The following DPP10 variants were observed in gnomAD, a reference collection of about 807,000 sequenced individuals.
DPP10 encodes the protein dipeptidyl peptidase like 10.
Under a neutral mutation model 120.9 loss-of-function variants are expected in DPP10, and 33 were observed. The ratio of observed to expected loss-of-function variants is 0.27; its 90% CI spans 0.21 to 0.37. DPP10 has a LOEUF of 0.37. DPP10 is among the 10% of genes least tolerant of loss of function. The probability of loss-of-function intolerance (pLI) is 1.00; values close to 1 mark genes in which losing one functional copy is unlikely to be tolerated. For missense variants in DPP10, 816 were observed against 942.8 expected (o/e 0.87, Z 1.76); for synonymous variants, 337 against 326.1 (o/e 1.03, Z -0.36).
chr2:114,497,166 CGTGTATACATGTGTACGTGTATACAT>C (rs1558813525), intron 1 of DPP10, among the ~76,000 whole-genome samples: 1 of 147,868 alleles, frequency 6.8e-6, no homozygotes, highest in African/African-American at 2.5e-5. Flanking sequence ...TAGGTGTACA[CGTGTATACATGTGTACGTGTATACAT>C]GTGTATGCAT....
chr2:114,460,403 G>T (rs1030276750), intron 1 of DPP10, among the ~76,000 whole-genome samples: 24 of 152,174 alleles, frequency 1.6e-4, no homozygotes, highest in African/African-American at 5.5e-4. Flanking sequence ...GATATAGCTA[G>T]GGTTTAATTA....
intron 1 of DPP10, among the ~76,000 whole-genome samples, chr2:115,225,288 A>G (rs2057375860): frequency 6.6e-6 from 1 of 152,146 alleles, no homozygotes; most frequent in East Asian, 1.9e-4. Context: ...GGTTGCAGAG[A>G]CGCAGAACAG....
rs540445073 is a variant in DPP10 at position 115,108,263 on chromosome 2, A to G, written c.61-200976A>G. Among the ~76,000 whole-genome samples, 6 of 152,336 alleles carry G rather than the reference A, an allele frequency of 3.9e-5. No homozygotes were observed. In the East Asian group the frequency reaches 1.2e-3, roughly 29 times the overall value. On this transcript the variant is annotated intron_variant, in intron 1 of 25. Coordinates refer to ENST00000410059, the MANE Select transcript of DPP10 (RefSeq NM_020868.6). ...TAAAAAATCACTGCACAGATAGACC[A>G]AAGTTTGCAAACTCAGATGCCAGCA... is the stretch of plus-strand genomic sequence containing the variant.
chr2:115,304,796 A>G (rs568443386), intron 1 of DPP10, among the ~76,000 whole-genome samples: 64 of 151,962 alleles, frequency 4.2e-4, no homozygotes, highest in Non-Finnish European at 7.8e-4. Context: ...TTACCCTTGC[A>G]TTTTTCCTAC....
chr2:115,627,163 C>T (rs949370453), intron 5 of DPP10, among the ~76,000 whole-genome samples: 1 of 152,036 alleles, frequency 6.6e-6, no homozygotes, highest in African/African-American at 2.4e-5. Context: ...AAAAGAAAGA[C>T]AAAAATGGCA....
chr2:115,470,406 C>CA lies in DPP10; in HGVS notation c.272-29103dup, dbSNP rs147670309. 3.4e-3 allele frequency among the ~76,000 whole-genome samples: 525 copies of CA among 152,204 alleles called. 1 individual carries two copies. Among genetic ancestry groups the CA allele is most frequent in the African/African-American group, 0.012 (488 of 41,528 alleles). On this transcript the variant is annotated intron_variant, in intron 3 of 25. Coordinates refer to ENST00000410059, the MANE Select transcript of DPP10 (RefSeq NM_020868.6). ...TCAGTTTCATCCTGGACCAGGGTTT[C>CA]ATGGCACAGAAAAAAACCTGGCCAT...
intron 1 of DPP10, among the ~76,000 whole-genome samples, chr2:114,736,346 G>C (rs2105965567): frequency 6.6e-6 from 1 of 152,142 alleles, no homozygotes; most frequent in South Asian, 2.1e-4. Context: ...TCATATCTTT[G>C]TGTTTCCACT....
At chr2:115,138,076 T>C (rs1032522702) in intron 1 of DPP10, among the ~76,000 whole-genome samples, 1 of 152,326 alleles carries the variant, frequency 6.6e-6, no homozygotes, top group East Asian at 1.9e-4. Context: ...AAAGAGTTTT[T>C]AAATTCTAAT....
intron 5 of DPP10, among the ~76,000 whole-genome samples, chr2:115,622,510 C>CTTTTTTTTTT (rs70941082): frequency 8.5e-6 from 1 of 117,446 alleles, no homozygotes; most frequent in African/African-American, 3.4e-5. Flanking sequence ...ATTTTATTGT[C>CTTTTTTTTTT]TTTTTTTTTT....
intron 1 of DPP10, among the ~76,000 whole-genome samples, chr2:115,296,805 AC>A (rs1300254400): frequency 6.6e-6 from 1 of 151,938 alleles, no homozygotes; most frequent in Admixed American, 6.6e-5. Flanking sequence ...GTCCTTCCTT[AC>A]CTACTTTCCT....
At chr2:114,669,503 G>A (rs1380046829) in intron 1 of DPP10, among the ~76,000 whole-genome samples, 4 of 152,032 alleles carry the variant, frequency 2.6e-5, no homozygotes, top group Non-Finnish European at 4.4e-5. Context: ...TAGAAATTTT[G>A]TCTCTTTCTT....
rs149330667 is a variant in DPP10, at chr2:114,714,219, A to C, written c.60+271381A>C. 4.8e-3 allele frequency among the ~76,000 whole-genome samples: 731 copies of C among 152,130 alleles called. 7 individuals carry two copies. Among genetic ancestry groups the C allele is most frequent in the African/African-American group, 0.017 (687 of 41,516 alleles). On this transcript the variant is annotated intron_variant, in intron 1 of 25. Transcript: ENST00000410059. ...AAGTCATGAAATCTATGAACATGAC[A>C]AGCATGCTGGGTATAAAGGCATCTC...
At chr2:114,801,086 AC>A (rs541400449) in intron 1 of DPP10, among the ~76,000 whole-genome samples, 123 of 151,814 alleles carry the variant, frequency 8.1e-4, no homozygotes, top group African/African-American at 2.8e-3. Context: ...ACACGGTAAA[AC>A]CCCGTCTCTA....
At chr2:114,853,765 A>G (rs1162681772) in intron 1 of DPP10, among the ~76,000 whole-genome samples, 1 of 152,008 alleles carries the variant, frequency 6.6e-6, no homozygotes, top group Non-Finnish European at 1.5e-5. Flanking sequence ...TGTCATGAAG[A>G]CCCCTAATGG....
At chr2:115,721,837 G>C (rs1294918144) in intron 7 of DPP10, among the ~76,000 whole-genome samples, 1 of 152,158 alleles carries the variant, frequency 6.6e-6, no homozygotes, top group Non-Finnish European at 1.5e-5. Flanking sequence ...ACAATAGCCA[G>C]GATGTAGAAA....
intron 9 of DPP10, among the ~76,000 whole-genome samples, chr2:115,741,510 C>T (rs553725085): frequency 6.6e-6 from 1 of 151,606 alleles, no homozygotes; most frequent in South Asian, 2.1e-4. Flanking sequence ...GAAAAGTTGC[C>T]CCAAATATAT....
intron 3 of DPP10, among the ~76,000 whole-genome samples, chr2:115,410,163 A>G (rs1380625271): frequency 2.0e-5 from 3 of 152,252 alleles, no homozygotes; most frequent in Admixed American, 6.5e-5. Flanking sequence ...TTATTCTGTT[A>G]TAAAGATACG....
chr2:115,134,228 A>G (rs1328747634), intron 1 of DPP10, among the ~76,000 whole-genome samples: 1 of 152,206 alleles, frequency 6.6e-6, no homozygotes, highest in Non-Finnish European at 1.5e-5. Context: ...TGAAGAAACA[A>G]TTGATTCACT....
chr2:114,961,648 G>A (rs1298911448), intron 1 of DPP10, among the ~76,000 whole-genome samples: 1 of 152,094 alleles, frequency 6.6e-6, no homozygotes, highest in East Asian at 1.9e-4. Context: ...CTAAGGGTAT[G>A]GAATGTATGC....
Sources: allele counts gnomAD v4.1 joint callset (sites outside exome capture counted in the v4.1 genomes callset), GRCh38; gene constraint gnomAD v4.1.1; transcripts MANE v1.5; gene names NCBI Gene and HGNC (gene_info 2026-07-23, HGNC 2026-07-21).